The following RBM19 variants were observed in gnomAD, a reference collection of about 807,000 sequenced individuals.
The protein encoded by RBM19 is probable RNA-binding protein 19.
Under a neutral mutation model 116.8 loss-of-function variants are expected in RBM19, and 94 were observed. The observed-to-expected ratio is 0.80, with a 90% CI of 0.68 to 0.95. The LOEUF is 0.95. RBM19 is among the 40% of genes least tolerant of loss of function. The pLI, the probability that RBM19 is intolerant of heterozygous loss-of-function variation, is 0.00. For synonymous variants in RBM19, 475 were observed against 494.1 expected (o/e 0.96, Z 0.51); for missense variants, 1,161 against 1,220.7 (o/e 0.95, Z 0.73).
chr12:113,938,161 C>G (rs1368121399), intron 15 of RBM19, among the ~76,000 whole-genome samples: 35 of 152,108 alleles, frequency 2.3e-4, no homozygotes, highest in Admixed American at 2.3e-3. Flanking sequence ...GTGGCTCACA[C>G]AGAGAGAGCT....
At chr12:113,912,138 G>A (rs1406565317) in intron 21 of RBM19, among the ~76,000 whole-genome samples, 1 of 152,188 alleles carries the variant, frequency 6.6e-6, no homozygotes, top group African/African-American at 2.4e-5. Flanking sequence ...GGTGGCCTCC[G>A]GGAAGGGCCC....
intron 21 of RBM19, among the ~76,000 whole-genome samples, chr12:113,892,834 T>G (rs771017723): frequency 5.9e-5 from 9 of 152,182 alleles, no homozygotes; most frequent in Non-Finnish European, 1.2e-4. Flanking sequence ...ATATTTTTTC[T>G]TCTGATTCTA....
In RBM19 at chr12:113,947,343, C is replaced by T. The variant is rs1486638123; in HGVS notation, c.1398G>A (p.Gln466=). Residue 466 remains glutamine, a synonymous_variant, in exon 11 of 24, where the codon CAG becomes CAA. Coordinates refer to ENST00000261741, the MANE Select transcript of RBM19 (RefSeq NM_016196.4). ...CAGGACGGGGCCTCACCTGGAATAC[C>T]TGCCCGTCCACCTCCGAGTAGGCCT... ...AVKAYSEVDG[Q]VFQGRMLHVL... is the part of the protein sequence containing the mutation. 2 of 1,596,142 alleles carry T rather than the reference C, an allele frequency of 1.3e-6. No individual in the cohort carries two copies. The highest frequency in any genetic ancestry group is 2.2e-5 in the South Asian group (2 of 90,226).
intron 23 of RBM19, among the ~76,000 whole-genome samples, chr12:113,826,119 G>A (rs183272758): frequency 6.5e-4 from 99 of 152,238 alleles, no homozygotes; most frequent in African/African-American, 2.3e-3. Flanking sequence ...CCTCCACGGA[G>A]CCACTCAGGG....
chr12:113,934,511 AC>A (rs957599658), intron 16 of RBM19, among the ~76,000 whole-genome samples: 5 of 152,090 alleles, frequency 3.3e-5, no homozygotes, highest in African/African-American at 1.2e-4. Context: ...ACTCACACAC[AC>A]TTCCTGATCA....
At chr12:113,949,663 C>T (rs139492285) in intron 9 of RBM19, among the ~76,000 whole-genome samples, 53 of 152,238 alleles carry the variant, frequency 3.5e-4, no homozygotes, top group Non-Finnish European at 6.3e-4. Context: ...GGAATTTGCA[C>T]GTGCTGTTCC....
chr12:113,834,979 T>C (rs900246131), intron 23 of RBM19, among the ~76,000 whole-genome samples: 1 of 152,198 alleles, frequency 6.6e-6, no homozygotes, highest in Non-Finnish European at 1.5e-5. Context: ...CTTTCTTTCC[T>C]TTCCCTCTGA....
chr12:113,873,993 G>A (rs536426326), intron 21 of RBM19, among the ~76,000 whole-genome samples: 13 of 152,228 alleles, frequency 8.5e-5, no homozygotes, highest in East Asian at 7.7e-4. Flanking sequence ...CCCAGTCACC[G>A]CCCTGCTAAA....
chr12:113,950,719 T>C (rs1471993489), intron 8 of RBM19, among the ~76,000 whole-genome samples: 1 of 152,148 alleles, frequency 6.6e-6, no homozygotes, highest in African/African-American at 2.4e-5. Context: ...AAAGAAATAC[T>C]CCGAGGGGCA....
At chr12:113,853,125 A>G (rs988215810) in intron 22 of RBM19, among the ~76,000 whole-genome samples, 34 of 152,220 alleles carry the variant, frequency 2.2e-4, no homozygotes, top group Non-Finnish European at 4.4e-5. Context: ...GCTTCTGCCA[A>G]AACACTGGCA....
chr12:113,843,875 C>T (rs1292324356), intron 23 of RBM19, among the ~76,000 whole-genome samples: 1 of 152,250 alleles, frequency 6.6e-6, no homozygotes, highest in African/African-American at 2.4e-5. Context: ...GCCATGCTGT[C>T]CTCCCTGTTT....
chr12:113,942,193 T>C, intron 14 of RBM19, 131 bp downstream of exon 14: 1 of 790,114 alleles, frequency 1.3e-6, no homozygotes, highest in Non-Finnish European at 2.0e-6. Flanking sequence ...TTCTTTTCTT[T>C]AGAGACAATT....
At chr12:113,955,086 C>T (rs1001032628) in intron 7 of RBM19, 45 bp downstream of exon 7, 1 of 1,595,522 alleles carries the variant, frequency 6.3e-7, no homozygotes. Context: ...ACCCTCGTCT[C>T]CTGCTCCCGC....
chr12:113,916,382 G>A (rs1014856053), intron 20 of RBM19, among the ~76,000 whole-genome samples: 2 of 152,212 alleles, frequency 1.3e-5, no homozygotes, highest in Non-Finnish European at 2.9e-5. Flanking sequence ...AGTCCAGCCT[G>A]GGTGACAGGG....
chr12:113,832,266 T>C (rs991693848), intron 23 of RBM19, among the ~76,000 whole-genome samples: 7 of 151,430 alleles, frequency 4.6e-5, no homozygotes, highest in Non-Finnish European at 8.8e-5. Context: ...CTCGGCTCAC[T>C]GCAACTTCTG....
At chr12:113,961,610 T>G (rs1189846009) in intron 2 of RBM19, among the ~76,000 whole-genome samples, 1 of 152,224 alleles carries the variant, frequency 6.6e-6, no homozygotes, top group African/African-American at 2.4e-5. Flanking sequence ...GTTTTTTCCT[T>G]CTCAACAAAG....
At chr12:113,874,470 C>T (rs1301014525) in intron 21 of RBM19, among the ~76,000 whole-genome samples, 1 of 152,186 alleles carries the variant, frequency 6.6e-6, no homozygotes. Context: ...ACCCACTGGG[C>T]GGCAGGCCTC....
At chr12:113,956,268 G>A (rs1871930785) in intron 6 of RBM19, among the ~76,000 whole-genome samples, 1 of 152,156 alleles carries the variant, frequency 6.6e-6, no homozygotes, top group Admixed American at 6.5e-5. Flanking sequence ...GATGAAGCTT[G>A]CTTTCATCTC....
intron 13 of RBM19, among the ~76,000 whole-genome samples, 178 bp downstream of exon 13, chr12:113,945,650 A>T (rs1399673444): frequency 1.3e-5 from 2 of 152,136 alleles, no homozygotes; most frequent in African/African-American, 4.8e-5. Flanking sequence ...CTGGCTGGGG[A>T]TGTTTCCAAA....
Sources: allele counts gnomAD v4.1 joint callset (sites outside exome capture counted in the v4.1 genomes callset), GRCh38; gene constraint gnomAD v4.1.1; transcripts MANE v1.5; gene names NCBI Gene and HGNC (gene_info 2026-07-23, HGNC 2026-07-21).